The following ETS1 variants were observed in gnomAD, a reference collection of about 807,000 sequenced individuals.
ETS1 encodes the protein ETS proto-oncogene 1, transcription factor, also known as protein C-ets-1.
ETS1 carries 15 observed loss-of-function variants against 58.6 expected under a neutral mutation model. The ratio of observed to expected loss-of-function variants is 0.26; its 90% CI spans 0.17 to 0.39. ETS1 has a LOEUF of 0.39. Among genes scored for constraint, ETS1 ranks in the 10% least tolerant of loss-of-function variants. The pLI is 1.00. For missense variants in ETS1, 417 were observed against 610.5 expected (o/e 0.68, Z 3.34); for synonymous variants, 214 against 218.2 (o/e 0.98, Z 0.17).
chr11:128,552,633 G>A (rs537747707), intron 3 of ETS1, among the ~76,000 whole-genome samples: 3 of 152,318 alleles, frequency 2.0e-5, no homozygotes, highest in East Asian at 1.9e-4. Context: ...AGTAAGCATC[G>A]TATTTTCTGA....
intron 3 of ETS1, among the ~76,000 whole-genome samples, chr11:128,518,876 T>C (rs745500278): frequency 6.6e-5 from 10 of 152,196 alleles, no homozygotes; most frequent in Non-Finnish European, 1.5e-4. Context: ...TTTATTCTTA[T>C]AGAACAGCAA....
chr11:128,565,321 CT>C (rs1565412202), intron 2 of ETS1, among the ~76,000 whole-genome samples: 1 of 152,172 alleles, frequency 6.6e-6, no homozygotes, highest in African/African-American at 2.4e-5. Flanking sequence ...ATCTTGGAAG[CT>C]GAGACGGGAC....
At chr11:128,512,149 C>G (rs531189860) in intron 3 of ETS1, among the ~76,000 whole-genome samples, 1 of 152,338 alleles carries the variant, frequency 6.6e-6, no homozygotes, top group East Asian at 1.9e-4. Flanking sequence ...CTCCTCCACT[C>G]AGCAGCTTTG....
chr11:128,531,446 T>C (rs1296440764), intron 3 of ETS1, among the ~76,000 whole-genome samples: 1 of 152,238 alleles, frequency 6.6e-6, no homozygotes, highest in Non-Finnish European at 1.5e-5. Context: ...TTTTCATGAA[T>C]GTTAATCCAA....
chr11:128,544,660 T>A (rs1241463786), intron 3 of ETS1, among the ~76,000 whole-genome samples: 1 of 152,018 alleles, frequency 6.6e-6, no homozygotes, highest in Non-Finnish European at 1.5e-5. Context: ...GTGCTTAGGT[T>A]TATACAGCAG....
At chr11:128,499,378 A>G (rs1296575792) in intron 3 of ETS1, among the ~76,000 whole-genome samples, 6 of 152,068 alleles carry the variant, frequency 3.9e-5, no homozygotes, top group African/African-American at 1.4e-4. Context: ...TCTTTTAGAA[A>G]GCATTTTCTT....
intron 3 of ETS1, among the ~76,000 whole-genome samples, chr11:128,506,073 A>T (rs913969887): frequency 6.6e-6 from 1 of 152,158 alleles, no homozygotes; most frequent in African/African-American, 2.4e-5. Context: ...CAAGCTCCAG[A>T]TCAGGAATAC....
intron 3 of ETS1, among the ~76,000 whole-genome samples, chr11:128,524,600 A>G (rs899845338): frequency 2.6e-5 from 4 of 152,232 alleles, no homozygotes; most frequent in African/African-American, 7.2e-5. Flanking sequence ...ATGTTGATAA[A>G]TGAAATTTTT....
At chr11:128,493,878 G>A (rs1317363314) in intron 3 of ETS1, among the ~76,000 whole-genome samples, 1 of 152,144 alleles carries the variant, frequency 6.6e-6, no homozygotes, top group East Asian at 1.9e-4. Flanking sequence ...TTCTCTTCAT[G>A]TTGTTTGCAG....
At chr11:128,574,782 A>G (rs1864708948) in intron 1 of ETS1, among the ~76,000 whole-genome samples, 1 of 152,238 alleles carries the variant, frequency 6.6e-6, no homozygotes, top group Non-Finnish European at 1.5e-5. Flanking sequence ...ATGAATCATC[A>G]TCAAACCATA....
intron 1 of ETS1, among the ~76,000 whole-genome samples, chr11:128,581,950 G>C (rs899747737): frequency 2.0e-5 from 3 of 152,156 alleles, no homozygotes; most frequent in Admixed American, 6.5e-5. Context: ...AGCTGCCTTA[G>C]ATCTCTCAAA....
At chr11:128,525,513 A>T (rs1863783305) in intron 3 of ETS1, among the ~76,000 whole-genome samples, 1 of 149,678 alleles carries the variant, frequency 6.7e-6, no homozygotes, top group Non-Finnish European at 1.5e-5. Context: ...GAGCTAAAAT[A>T]TGCTTTACTG....
chr11:128,513,905 A>G (rs1443268071), intron 3 of ETS1, among the ~76,000 whole-genome samples: 1 of 152,208 alleles, frequency 6.6e-6, no homozygotes, highest in African/African-American at 2.4e-5. Context: ...GAAAAAGAAA[A>G]TCAGACTCAA....
intron 3 of ETS1, among the ~76,000 whole-genome samples, chr11:128,538,598 A>G (rs1864005325): frequency 6.6e-6 from 1 of 152,220 alleles, no homozygotes; most frequent in African/African-American, 2.4e-5. Context: ...TGAAAAATTT[A>G]CTTGTCTGTA....
rs558906436 is a variant in ETS1 at position 128,524,475 on chromosome 11, G to A, written c.214+31816C>T. Among the ~76,000 whole-genome samples, 7 of 152,212 alleles carry A rather than the reference G, an allele frequency of 4.6e-5. No individual in the cohort carries two copies. In the South Asian group the frequency reaches 6.2e-4, roughly 14 times the overall value. ...TTTATGCCATCAGAAGTTATGCATC[G>A]AACCCTGGATTTGGATGAAGAGCAC... On this transcript the variant is annotated intron_variant, in intron 3 of 9. Coordinates refer to ENST00000392668, the MANE Select transcript of ETS1 (RefSeq NM_001143820.2).
intron 3 of ETS1, among the ~76,000 whole-genome samples, chr11:128,503,616 C>G (rs1385048962): frequency 6.6e-6 from 1 of 152,168 alleles, no homozygotes; most frequent in East Asian, 1.9e-4. Flanking sequence ...AGTGAGTGAT[C>G]TATAGGTCAC....
intron 7 of ETS1, among the ~76,000 whole-genome samples, chr11:128,483,132 C>T (rs1004197304): frequency 6.6e-6 from 1 of 152,174 alleles, no homozygotes; most frequent in African/African-American, 2.4e-5. Context: ...ATGGTCTTCC[C>T]CTCAAGTTTC....
At chr11:128,559,176 G>A (rs144145755) in intron 2 of ETS1, among the ~76,000 whole-genome samples, 38 of 152,316 alleles carry the variant, frequency 2.5e-4, no homozygotes, top group African/African-American at 8.7e-4. Context: ...CTAAGAACCT[G>A]AATTCGGATT....
chr11:128,478,094 T>G (rs557969596), intron 8 of ETS1, among the ~76,000 whole-genome samples: 30 of 152,328 alleles, frequency 2.0e-4, no homozygotes, highest in Non-Finnish European at 3.2e-4. Flanking sequence ...AAATTGCAAT[T>G]GTCAAGGAGA....
Sources: gnomAD v4.1 joint callset for allele counts (sites outside exome capture counted in the v4.1 genomes callset) on GRCh38, gnomAD v4.1.1 for gene constraint, MANE v1.5 for transcripts, NCBI Gene and HGNC (gene_info 2026-07-23, HGNC 2026-07-21) for gene names.